Variants in DOCK10 observed in about 807,000 individuals in gnomAD.
DOCK10 encodes the protein dedicator of cytokinesis 10, also known as dedicator of cytokinesis protein 10.
Under a neutral mutation model 280.1 loss-of-function variants are expected in DOCK10, and 145 were observed. The ratio of observed to expected loss-of-function variants is 0.52; its 90% CI spans 0.45 to 0.59. DOCK10 has a LOEUF of 0.59. Among genes scored for constraint, DOCK10 ranks in the 20% least tolerant of loss-of-function variants. The probability of loss-of-function intolerance (pLI) is 0.00; values close to 1 mark genes in which losing one functional copy is unlikely to be tolerated. For synonymous variants in DOCK10, 915 were observed against 942.2 expected (o/e 0.97, Z 0.53); for missense variants, 2,368 against 2,651.7 (o/e 0.89, Z 2.35).
intron 27 of DOCK10, among the ~76,000 whole-genome samples, chr2:224,825,881 C>T (rs1042711022): frequency 6.6e-6 from 1 of 152,174 alleles, no homozygotes; most frequent in Non-Finnish European, 1.5e-5. Flanking sequence ...ATCTGAGCTA[C>T]AGCATGGCGA....
At chr2:224,946,162 T>C (rs889862893) in intron 1 of DOCK10, among the ~76,000 whole-genome samples, 16 of 152,252 alleles carry the variant, frequency 1.1e-4, no homozygotes, top group African/African-American at 3.9e-4. Context: ...CAGTAGTTTA[T>C]AGAACTGTAA....
At chr2:224,882,446 T>C (rs551992987) in intron 7 of DOCK10, among the ~76,000 whole-genome samples, 2 of 152,212 alleles carry the variant, frequency 1.3e-5, no homozygotes, top group East Asian at 3.9e-4. Flanking sequence ...ATTCAGGAAA[T>C]TGTCAGTCAT....
rs76040210 is a variant in DOCK10 at position 224,886,472 on chromosome 2, G to A, written c.476C>T (p.Ala159Val). The change falls in exon 5 of 56, where the codon GCT becomes GTT. Residue 159 changes from alanine to valine, a missense_variant. Around this residue, in one of 2 missense-constraint regions of DOCK10, gnomAD observed 1,209 missense variants for 1,250.9 expected, o/e 0.97. Transcript: ENST00000258390. ...CTATTTACTTACTTCATCCTTATCA[G>A]CATCTTCATGGTCAATCTCAAAGGA... ...SHSFEIDHED[A>V]DKDEDTTSHS... The A allele has an allele frequency of 0.02, 31,449 of 1,609,798 alleles. 423 individuals are homozygous for A. The highest frequency in any genetic ancestry group is 0.029 in the South Asian group (2,615 of 90,950).
rs1203224780 is a variant in DOCK10, at chr2:224,805,060, C to T, written c.4116G>A (p.Leu1372=). Residue 1372 remains leucine (L), a splice_region_variant and synonymous_variant, in exon 37 of 56, where the codon TTG becomes TTA. Transcript: ENST00000258390. The surrounding 1 kb of genome is among the most constrained non-coding windows in gnomAD (Gnocchi z 4.3). Reference sequence around the variant, plus strand: ...AAGTCATCAACTCTAAAACTTACTCCAAGATGCTGAAGAAGTCGGACACCT... The same window carrying T: ...AAGTCATCAACTCTAAAACTTACTCTAAGATGCTGAAGAAGTCGGACACCT... ...SPEVSDFFSI[L]DVCLQNFRYL... The T allele has an allele frequency of 6.2e-7, 1 of 1,606,578 alleles. No individual in the cohort carries two copies. Among genetic ancestry groups the T allele is most frequent in the Non-Finnish European group, 8.5e-7 (1 of 1,176,922 alleles).
chr2:224,936,575 T>C (rs185723053), intron 1 of DOCK10, among the ~76,000 whole-genome samples: 4 of 151,844 alleles, frequency 2.6e-5, no homozygotes, highest in Admixed American at 2.6e-4. Flanking sequence ...CACATATCCA[T>C]TAAAACTAAA....
rs201130135 is a variant in DOCK10, at chr2:224,944,155, GA to G, written c.124-12488del. ...AGCTAAACTCTGCTTAGACTGGGTA[GA>G]AAAAAAACCATGGTATTTCTGAAAT... On this transcript the variant is annotated intron_variant, in intron 1 of 55. Transcript: ENST00000258390. 5.9e-3 allele frequency among the ~76,000 whole-genome samples: 900 copies of G among 151,658 alleles called. 13 individuals carry two copies. The highest frequency in any genetic ancestry group is 0.02 in the African/African-American group (829 of 41,278).
At chr2:224,989,998 A>C (rs1435960943) in intron 1 of DOCK10, among the ~76,000 whole-genome samples, 2 of 152,072 alleles carry the variant, frequency 1.3e-5, no homozygotes, top group African/African-American at 2.4e-5. Context: ...ACATTTATTG[A>C]GTTGTACAAT....
intron 1 of DOCK10, among the ~76,000 whole-genome samples, chr2:225,040,522 G>A (rs1206484807): frequency 7.4e-6 from 1 of 135,762 alleles, no homozygotes; most frequent in African/African-American, 3.3e-5. Flanking sequence ...GCGTGTGTGT[G>A]TGTGTGTGTG....
At chr2:224,788,514 TATA>T (rs1691908198) in intron 48 of DOCK10, among the ~76,000 whole-genome samples, 1 of 152,220 alleles carries the variant, frequency 6.6e-6, no homozygotes, top group East Asian at 1.9e-4. Flanking sequence ...TTACTTTCTG[TATA>T]ATTTTTTCCA....
rs1241851173 is a variant in DOCK10 at position 224,770,954 on chromosome 2, T to C, written c.6205-309A>G. ...TTTTTTTCTTTCTTTTTTTCTTTGTTAGAGACAGGGTCTCACTCTGTTGCC... is the reference window on the plus strand; with the variant it reads ...TTTTTTTCTTTCTTTTTTTCTTTGTCAGAGACAGGGTCTCACTCTGTTGCC... On this transcript the variant is annotated intron_variant, in intron 53 of 55. Transcript: ENST00000258390. The surrounding 1 kb of genome is among the most constrained non-coding windows in gnomAD (Gnocchi z 4.5). Among the ~76,000 whole-genome samples the C allele has an allele frequency of 6.6e-6, 1 of 152,106 alleles. No homozygotes were observed. Among genetic ancestry groups the C allele is most frequent in the Non-Finnish European group, 1.5e-5 (1 of 68,040 alleles).
chr2:224,797,108 A>G lies in DOCK10; in HGVS notation c.4683T>C (p.Cys1561=), dbSNP rs1045111299. The G allele has an allele frequency of 1.4e-5, 23 of 1,613,024 alleles. No homozygotes were observed. The highest frequency in any genetic ancestry group is 2.0e-5 in the Non-Finnish European group (23 of 1,179,452). Reference sequence around the variant, plus strand: ...TTAGGACTTCGTAACAGAATGATCCACAGAGGTCAGCAGGCCCTTGAAAGA... The same window carrying G: ...TTAGGACTTCGTAACAGAATGATCCGCAGAGGTCAGCAGGCCCTTGAAAGA... ...SAFFQGPADL[C]GSFCYEVLKC... The change falls in exon 43 of 56, where the codon TGT becomes TGC. Residue 1561 remains cysteine, a synonymous_variant. Coordinates refer to ENST00000258390, the MANE Select transcript of DOCK10 (RefSeq NM_014689.3).
At chr2:224,895,889 A>T (rs972671302) in intron 4 of DOCK10, among the ~76,000 whole-genome samples, 4 of 150,054 alleles carry the variant, frequency 2.7e-5, no homozygotes, top group Admixed American at 2.0e-4. Context: ...GTTTATTTTC[A>T]TGACTTCTGA....
chr2:225,031,824 G>A (rs1380500732), intron 1 of DOCK10, among the ~76,000 whole-genome samples: 1 of 152,182 alleles, frequency 6.6e-6, no homozygotes, highest in African/African-American at 2.4e-5. Context: ...AGAAGGAAAT[G>A]GGATTGTATG....
At chr2:224,857,118 A>G (rs940727504) in intron 14 of DOCK10, 136 bp from the exon 15 acceptor site, 3 of 649,864 alleles carry the variant, frequency 4.6e-6, no homozygotes, top group Non-Finnish European at 6.8e-6. Flanking sequence ...AAGACCAAAA[A>G]CTTTTACAAA....
chr2:224,844,610 C>T, intron 22 of DOCK10, 143 bp downstream of exon 22: 1 of 634,716 alleles, frequency 1.6e-6, no homozygotes, highest in Non-Finnish European at 2.8e-6. Context: ...AAATTATGCC[C>T]TTAACATTCT....
chr2:224,810,494 A>G (rs989316347), intron 31 of DOCK10, among the ~76,000 whole-genome samples: 4 of 151,822 alleles, frequency 2.6e-5, no homozygotes, highest in African/African-American at 9.7e-5. Flanking sequence ...AAATTTTATT[A>G]TTATTATACT....
rs184639198 is a variant in DOCK10, at chr2:224,838,610, A to G, written c.2781-779T>C. Among the ~76,000 whole-genome samples the G allele has an allele frequency of 8.5e-4, 130 of 152,342 alleles. 1 individual carries two copies. Among genetic ancestry groups the G allele is most frequent in the Non-Finnish European group, 5.9e-4 (40 of 68,022 alleles). On this transcript the variant is annotated intron_variant, in intron 24 of 55. Coordinates refer to ENST00000258390, the MANE Select transcript of DOCK10 (RefSeq NM_014689.3). ...AGATATTTAAATTGTCCAGAATTTC[A>G]GGCTCTGCTTTAAAAACTAGGCTAC...
At chr2:224,847,091 A>AC (rs1696413499) in intron 19 of DOCK10, among the ~76,000 whole-genome samples, 2 of 152,214 alleles carry the variant, frequency 1.3e-5, no homozygotes, top group Non-Finnish European at 2.9e-5. Flanking sequence ...TATACAAATA[A>AC]TGCTTCTGAA....
At chr2:224,931,016 A>T (rs527258396) in intron 2 of DOCK10, among the ~76,000 whole-genome samples, 42 of 152,282 alleles carry the variant, frequency 2.8e-4, no homozygotes, top group African/African-American at 9.6e-4. Context: ...GGTAGTGTGC[A>T]TTGTCCTAAA....
Sources: gnomAD v4.1 joint callset for allele counts (sites outside exome capture counted in the v4.1 genomes callset) on GRCh38, gnomAD v4.1.1 for gene constraint, gnomAD v4.1.1 regional missense constraint, Gnocchi (gnomAD v3.1) non-coding constraint, MANE v1.5 for transcripts, NCBI Gene and HGNC (gene_info 2026-07-23, HGNC 2026-07-21) for gene names.